CAMK2D: variants seen among roughly 807,000 people sequenced by gnomAD.
CAMK2D encodes the protein calcium/calmodulin dependent protein kinase II delta, also known as calcium/calmodulin-dependent protein kinase type II subunit delta.
CAMK2D carries 37 observed loss-of-function variants against 84.0 expected under a neutral mutation model. The observed-to-expected ratio is 0.44, with a 90% confidence interval of 0.34 to 0.58. CAMK2D has a LOEUF of 0.58. Among genes scored for constraint, CAMK2D ranks in the 20% least tolerant of loss-of-function variants. The pLI is 0.02. For synonymous variants in CAMK2D, 202 were observed against 212.5 expected, an observed-to-expected ratio of 0.95 and a Z score of 0.43; for missense variants, 448 against 652.5, an observed-to-expected ratio of 0.69 and a Z score of 3.41.
At chr4:113,674,371 T>C (rs2099309355) in intron 2 of CAMK2D, among the ~76,000 whole-genome samples, 1 of 152,174 alleles carries the variant, frequency 6.6e-6, no homozygotes, top group Admixed American at 6.5e-5. Flanking sequence ...CATTTACCTT[T>C]TACCCAGAAT....
At chr4:113,621,982 C>A (rs550376681) in intron 3 of CAMK2D, among the ~76,000 whole-genome samples, 1 of 152,166 alleles carries the variant, frequency 6.6e-6, no homozygotes, top group Non-Finnish European at 1.5e-5. Context: ...AATCAACAGT[C>A]TTTATCCACT....
chr4:113,543,718 C>T (rs1449504409), intron 6 of CAMK2D, among the ~76,000 whole-genome samples: 1 of 152,094 alleles, frequency 6.6e-6, no homozygotes, highest in African/African-American at 2.4e-5. Flanking sequence ...AAATATCCAA[C>T]ACTGAGTTAC....
intron 14 of CAMK2D, chr4:113,503,277 A>G (rs1218772324): frequency 6.5e-6 from 4 of 617,876 alleles, no homozygotes; most frequent in Non-Finnish European, 9.2e-6. Flanking sequence ...GTTTCACTTA[A>G]TCCTATGCTT....
chr4:113,553,471 T>G (rs1394103983), intron 4 of CAMK2D, among the ~76,000 whole-genome samples: 2 of 152,232 alleles, frequency 1.3e-5, no homozygotes, highest in Non-Finnish European at 2.9e-5. Context: ...TTTGCTTTAT[T>G]AAGTTCTGAA....
intron 4 of CAMK2D, among the ~76,000 whole-genome samples, chr4:113,597,961 C>T (rs2098934844): frequency 6.6e-6 from 1 of 152,282 alleles, no homozygotes; most frequent in East Asian, 1.9e-4. Context: ...AGAACACACA[C>T]AACTTTTCTA....
intron 16 of CAMK2D, among the ~76,000 whole-genome samples, chr4:113,480,772 C>T (rs967004045): frequency 9.9e-5 from 15 of 152,052 alleles, no homozygotes; most frequent in African/African-American, 2.2e-4. Context: ...ACCTAGCAGG[C>T]GGAGGTTGCA....
chr4:113,699,543 T>C (rs2099412243), intron 2 of CAMK2D, among the ~76,000 whole-genome samples: 1 of 152,144 alleles, frequency 6.6e-6, no homozygotes, highest in African/African-American at 2.4e-5. Context: ...TCACCCTCTA[T>C]GCCTAATCAG....
chr4:113,680,574 G>C (rs2099340862), intron 2 of CAMK2D, among the ~76,000 whole-genome samples: 1 of 152,214 alleles, frequency 6.6e-6, no homozygotes, highest in African/African-American at 2.4e-5. Flanking sequence ...TCAAGAAGCT[G>C]AGTGGGACAA....
At chr4:113,646,339 AGAAAAGTCCAT>A (rs1278307883) in intron 3 of CAMK2D, among the ~76,000 whole-genome samples, 2 of 152,342 alleles carry the variant, frequency 1.3e-5, no homozygotes, top group African/African-American at 4.8e-5. Context: ...ATAATAAACA[AGAAAAGTCCAT>A]GCCCTCATGA....
At chr4:113,748,409 C>T (rs1382474549) in intron 2 of CAMK2D, among the ~76,000 whole-genome samples, 1 of 152,018 alleles carries the variant, frequency 6.6e-6, no homozygotes, top group African/African-American at 2.4e-5. Flanking sequence ...AGTAATTAGG[C>T]AAGAATAATT....
chr4:113,661,583 A>G (rs1400859468), intron 3 of CAMK2D, 130 bp downstream of exon 3: 1 of 471,674 alleles, frequency 2.1e-6, no homozygotes, highest in Non-Finnish European at 3.8e-6. Flanking sequence ...AATGTAACCA[A>G]GATTGAAAGT....
chr4:113,754,857 T>C (rs544120000), intron 2 of CAMK2D: 2 of 983,530 alleles, frequency 2.0e-6, no homozygotes, highest in East Asian at 1.1e-4. Context: ...TCTGGGTCCA[T>C]AACTGAAGAG....
At chr4:113,507,567 C>A (rs1176897332) in intron 13 of CAMK2D, among the ~76,000 whole-genome samples, 1 of 151,966 alleles carries the variant, frequency 6.6e-6, no homozygotes, top group African/African-American at 2.4e-5. Context: ...CCGCTCCTGG[C>A]CCATAGATGT....
intron 3 of CAMK2D, among the ~76,000 whole-genome samples, chr4:113,655,626 C>A (rs2099196423): frequency 6.6e-6 from 1 of 152,056 alleles, no homozygotes; most frequent in Non-Finnish European, 1.5e-5. Context: ...AATGTAAACA[C>A]AAGTCTTTAG....
chr4:113,694,387 G>T (rs2099396806), intron 2 of CAMK2D, among the ~76,000 whole-genome samples: 1 of 152,114 alleles, frequency 6.6e-6, no homozygotes, highest in Non-Finnish European at 1.5e-5. Flanking sequence ...GTTTTGAGAA[G>T]TTAATAATTA....
intron 2 of CAMK2D, among the ~76,000 whole-genome samples, chr4:113,708,834 C>T (rs1482707887): frequency 1.3e-5 from 2 of 152,110 alleles, no homozygotes; most frequent in African/African-American, 4.8e-5. Flanking sequence ...AAGCAATTCT[C>T]CCACCTCAGC....
intron 2 of CAMK2D, among the ~76,000 whole-genome samples, chr4:113,708,194 G>A (rs1036547859): frequency 6.6e-6 from 1 of 152,066 alleles, no homozygotes; most frequent in Non-Finnish European, 1.5e-5. Context: ...CTATATTATA[G>A]GCAAATTGTG....
chr4:113,609,386 G>T (rs866348402), intron 3 of CAMK2D, among the ~76,000 whole-genome samples, 180 bp from the exon 4 acceptor site: 1 of 151,864 alleles, frequency 6.6e-6, no homozygotes, highest in Non-Finnish European at 1.5e-5. Context: ...CTAAGGTTTG[G>T]GTACTGGTTC....
chr4:113,659,951 A>G (rs575019483), intron 3 of CAMK2D, among the ~76,000 whole-genome samples: 9 of 152,186 alleles, frequency 5.9e-5, no homozygotes, highest in Admixed American at 4.6e-4. Context: ...CCAGTGTTAC[A>G]ATTTTTTTTA....
Sources: gnomAD v4.1 joint callset for allele counts (sites outside exome capture counted in the v4.1 genomes callset) on GRCh38, gnomAD v4.1.1 for gene constraint, MANE v1.5 for transcripts, NCBI Gene and HGNC (gene_info 2026-07-23, HGNC 2026-07-21) for gene names.